The following BBX variants were observed in gnomAD, a reference collection of about 807,000 sequenced individuals.
The protein encoded by BBX is HMG box transcription factor BBX.
In BBX, 30 loss-of-function variants were observed where a neutral mutation model predicts 100.2. The observed-to-expected ratio is 0.30, with a 90% CI of 0.22 to 0.41. The LOEUF (loss-of-function observed/expected upper bound fraction) is 0.41, where lower values mean the gene tolerates loss of function less well. Among genes scored for constraint, BBX ranks in the 10% least tolerant of loss-of-function variants. The pLI, the probability that BBX is intolerant of heterozygous loss-of-function variation, is 1.00. For missense variants in BBX, 1,023 were observed against 1,129.8 expected (o/e 0.91, Z 1.35); for synonymous variants, 376 against 388.1 (o/e 0.97, Z 0.37).
At chr3:107,798,370 C>T (rs543318690) in intron 15 of BBX, among the ~76,000 whole-genome samples, 153 bp from the exon 16 acceptor site, 1 of 152,274 alleles carries the variant, frequency 6.6e-6, no homozygotes, top group African/African-American at 2.4e-5. Flanking sequence ...TTAGGGGCAA[C>T]GTTTTATTTC....
At chr3:107,624,009 A>G (rs939974055) in intron 2 of BBX, among the ~76,000 whole-genome samples, 1 of 152,196 alleles carries the variant, frequency 6.6e-6, no homozygotes, top group African/African-American at 2.4e-5. Context: ...TTGACCACCC[A>G]TCGCACTTTA....
intron 4 of BBX, among the ~76,000 whole-genome samples, chr3:107,710,828 C>T (rs1188411613): frequency 1.3e-5 from 2 of 152,260 alleles, no homozygotes; most frequent in Non-Finnish European, 2.9e-5. Flanking sequence ...GACTGAGACA[C>T]ATCCTTTTAA....
chr3:107,631,792 C>T (rs1036829245), intron 2 of BBX, among the ~76,000 whole-genome samples: 1 of 151,888 alleles, frequency 6.6e-6, no homozygotes. Flanking sequence ...TGCCTTGTGT[C>T]GTCTAAGAAA....
chr3:107,800,685 G>A (rs1158958608), intron 16 of BBX, among the ~76,000 whole-genome samples: 1 of 152,236 alleles, frequency 6.6e-6, no homozygotes, highest in East Asian at 1.9e-4. Flanking sequence ...AGTTGCCATA[G>A]TAGGGCATGC....
At chr3:107,607,661 AT>A (rs1209582034) in intron 2 of BBX, among the ~76,000 whole-genome samples, 2 of 152,092 alleles carry the variant, frequency 1.3e-5, no homozygotes, top group Admixed American at 1.3e-4. Context: ...GGTTGTACTG[AT>A]TTACATTCCC....
At chr3:107,653,412 G>A (rs1156464735) in intron 3 of BBX, among the ~76,000 whole-genome samples, 2 of 152,144 alleles carry the variant, frequency 1.3e-5, no homozygotes, top group African/African-American at 2.4e-5. Flanking sequence ...TTTAAGAGAT[G>A]CAATGTGATA....
intron 13 of BBX, among the ~76,000 whole-genome samples, chr3:107,785,398 A>G (rs567132493): frequency 4.6e-5 from 7 of 152,118 alleles, no homozygotes; most frequent in Admixed American, 2.0e-4. Flanking sequence ...CTGCAGATCA[A>G]TATCTCTTAC....
intron 2 of BBX, among the ~76,000 whole-genome samples, chr3:107,616,806 A>G (rs1301621035): frequency 2.0e-5 from 3 of 152,036 alleles, no homozygotes; most frequent in South Asian, 2.1e-4. Flanking sequence ...ACCTTGTTAT[A>G]TATGTGGTTT....
chr3:107,726,026 T>G (rs1440937834), intron 5 of BBX, among the ~76,000 whole-genome samples: 3 of 152,140 alleles, frequency 2.0e-5, no homozygotes, highest in Non-Finnish European at 2.9e-5. Flanking sequence ...TGGCCTTGGA[T>G]ATCTGGGGCC....
intron 5 of BBX, among the ~76,000 whole-genome samples, chr3:107,718,598 G>A (rs559054585): frequency 6.6e-6 from 1 of 152,056 alleles, no homozygotes; most frequent in African/African-American, 2.4e-5. Flanking sequence ...GTTTTAGATT[G>A]CTGTTTTTGG....
intron 9 of BBX, among the ~76,000 whole-genome samples, chr3:107,752,042 A>G (rs1277677768): frequency 6.6e-6 from 1 of 152,256 alleles, no homozygotes; most frequent in African/African-American, 2.4e-5. Flanking sequence ...TGACCAATCC[A>G]CATATTCTCT....
chr3:107,599,717 C>T (rs775918855), intron 2 of BBX: 4 of 152,106 alleles, frequency 2.6e-5, no homozygotes, highest in Non-Finnish European at 4.4e-5. Context: ...TTACTTGAAA[C>T]GTAGTACAGT....
rs1346425137 is a variant in BBX, at chr3:107,539,774, A to G, written c.-84+13376A>G. On this transcript the variant is annotated intron_variant, in intron 2 of 17. Transcript: ENST00000325805. ...AATAAAAATTTAATATTTTCCTGTCACTCACTCCAAGTGGACTATCCTGTT... is the reference window on the plus strand; with the variant it reads ...AATAAAAATTTAATATTTTCCTGTCGCTCACTCCAAGTGGACTATCCTGTT... Among the ~76,000 whole-genome samples the G allele has an allele frequency of 3.3e-5, 5 of 152,110 alleles. No individual in the cohort carries two copies. The East Asian group carries it at 9.6e-4, about 29-fold the overall frequency.
intron 11 of BBX, 60 bp from the exon 12 acceptor site, chr3:107,774,643 GCTCGTGAAGCAACTAA>G: frequency 6.8e-7 from 1 of 1,477,112 alleles, no homozygotes; most frequent in East Asian, 2.3e-5. Flanking sequence ...TCAAGAGGTT[GCTCGTGAAGCAACTAA>G]CATCATCTCC....
chr3:107,694,765 G>T (rs191335258), intron 3 of BBX, among the ~76,000 whole-genome samples: 1 of 151,762 alleles, frequency 6.6e-6, no homozygotes, highest in Non-Finnish European at 1.5e-5. Flanking sequence ...GTTTCAGAAG[G>T]AATGGTACCA....
chr3:107,647,751 G>A (rs2057606037), intron 3 of BBX, among the ~76,000 whole-genome samples: 2 of 152,120 alleles, frequency 1.3e-5, no homozygotes. Context: ...AATCTTAGTG[G>A]TTTATGGCAA....
chr3:107,623,117 C>T (rs956368852), intron 2 of BBX, among the ~76,000 whole-genome samples: 2 of 152,132 alleles, frequency 1.3e-5, no homozygotes, highest in Admixed American at 6.5e-5. Context: ...CTGCCATCGA[C>T]GCAGTGCTTT....
At chr3:107,578,376 C>T (rs1370272900) in intron 2 of BBX, among the ~76,000 whole-genome samples, 1 of 151,842 alleles carries the variant, frequency 6.6e-6, no homozygotes, top group Middle Eastern at 3.2e-3. Flanking sequence ...GACATTTTAC[C>T]ACCTTGCCTT....
At chr3:107,666,917 A>C (rs1576252987) in intron 3 of BBX, among the ~76,000 whole-genome samples, 4 of 151,910 alleles carry the variant, frequency 2.6e-5, no homozygotes, top group Admixed American at 2.6e-4. Flanking sequence ...TTAACCTCCT[A>C]CCCCCAGCCT....
Sources: gnomAD v4.1 joint callset for allele counts (sites outside exome capture counted in the v4.1 genomes callset) on GRCh38, gnomAD v4.1.1 for gene constraint, MANE v1.5 for transcripts, NCBI Gene and HGNC (gene_info 2026-07-23, HGNC 2026-07-21) for gene names.